The following DAGLA variants were observed in gnomAD, a reference collection of about 807,000 sequenced individuals.
DAGLA encodes the protein diacylglycerol lipase-alpha.
DAGLA carries 22 observed loss-of-function variants against 102.6 expected under a neutral mutation model. The ratio of observed to expected loss-of-function variants is 0.21; its 90% CI spans 0.15 to 0.31. DAGLA has a LOEUF of 0.31. DAGLA is among the 10% of genes least tolerant of loss of function. The pLI is 1.00. For synonymous variants in DAGLA, 578 were observed against 628.9 expected (o/e 0.92, Z 1.21); for missense variants, 927 against 1,446.6 (o/e 0.64, Z 5.83).
chr11:61,700,841 G>T (rs1277385854), intron 1 of DAGLA, among the ~76,000 whole-genome samples: 1 of 152,162 alleles, frequency 6.6e-6, no homozygotes, highest in Non-Finnish European at 1.5e-5. Flanking sequence ...CCGATCCTCA[G>T]GCCTTTCACC....
At chr11:61,698,634 T>C (rs1441839769) in intron 1 of DAGLA, among the ~76,000 whole-genome samples, 3 of 152,208 alleles carry the variant, frequency 2.0e-5, no homozygotes. Context: ...TCTCTGAGTC[T>C]CTTTGGCCAA....
At chr11:61,701,700 G>A (rs536514024) in intron 1 of DAGLA, among the ~76,000 whole-genome samples, 1 of 152,280 alleles carries the variant, frequency 6.6e-6, no homozygotes, top group Admixed American at 6.5e-5. Flanking sequence ...TGAGGACCCC[G>A]AAAACCTGCC....
chr11:61,727,545 G>A (rs1047477657), intron 6 of DAGLA, among the ~76,000 whole-genome samples: 1 of 152,228 alleles, frequency 6.6e-6, no homozygotes, highest in African/African-American at 2.4e-5. Flanking sequence ...CTGCCCTGAG[G>A]CCCAGACATG....
chr11:61,735,774 C>G lies in DAGLA; in HGVS notation c.1248C>G (p.Arg416=). 1 of 1,613,318 alleles carries G rather than the reference C, an allele frequency of 6.2e-7. No homozygotes were observed. The highest frequency in any genetic ancestry group is 8.5e-7 in the Non-Finnish European group (1 of 1,179,724). The change falls in exon 12 of 20, where the codon CGC becomes CGG. Residue 416 remains arginine (R), a synonymous_variant. Transcript: ENST00000257215. ...ALTDLTGDAE[R]LPVEGHHGTW... Reference sequence around the variant, plus strand: ...CTGACCTGACGGGTGATGCTGAGCGCCTCCCCGTGGAGGGGCACCACGGCA... The same window carrying G: ...CTGACCTGACGGGTGATGCTGAGCGGCTCCCCGTGGAGGGGCACCACGGCA...
In DAGLA at chr11:61,713,305, C is replaced by CT. The variant is rs2065209188; in HGVS notation, c.-44-6806dup. On this transcript the variant is annotated intron_variant, in intron 1 of 19. Coordinates refer to ENST00000257215, the MANE Select transcript of DAGLA (RefSeq NM_006133.3). Reference sequence around the variant, plus strand: ...TAAAGACCTGGGTTCTGGGCCTAGGCTGTGTGGCTGTGGGCAAGTCACTTC... The same window carrying CT: ...TAAAGACCTGGGTTCTGGGCCTAGGCTTGTGTGGCTGTGGGCAAGTCACTTC... Among the ~76,000 whole-genome samples, 3 of 152,282 alleles carry CT rather than the reference C, an allele frequency of 2.0e-5. No homozygotes were observed. The South Asian group carries it at 6.2e-4, about 32-fold the overall frequency.
In DAGLA at chr11:61,728,225, A is replaced by G. The variant is rs374725159; in HGVS notation, c.709A>G (p.Ile237Val). The G allele has an allele frequency of 6.2e-7, 1 of 1,614,028 alleles. No homozygotes were observed. The highest frequency in any genetic ancestry group is 8.5e-7 in the Non-Finnish European group (1 of 1,179,996). The stretch of plus-strand genomic sequence containing the variant: ...CCTTGACATTGTGCCATCCGACATC[A>G]TTGCTGGCCTGGTGCTGCTCCGGCA... ...RDLDIVPSDI[I>V]AGLVLLRQRQ... Residue 237 changes from isoleucine (I) to valine (V), a missense_variant, in exon 7 of 20, where the codon ATT becomes GTT. Around this residue, in one of 4 missense-constraint regions of DAGLA, gnomAD observed 231 missense variants for 439.8 expected, o/e 0.53. Transcript: ENST00000257215.
rs1308801623 is a variant in DAGLA, at chr11:61,746,381, C to G, written c.*1892C>G. 2 of 152,590 alleles carry G rather than the reference C, an allele frequency of 1.3e-5. No homozygotes were observed. Among genetic ancestry groups the G allele is most frequent in the African/African-American group, 4.8e-5 (2 of 41,464 alleles). The allele number at this position is 152,590 out of a possible 1,614,324, so 9.5% of individuals were successfully genotyped here. A position where few individuals can be genotyped will look rare whatever the true frequency, so the allele number is the denominator to read the frequency against. On this transcript the variant is annotated 3_prime_UTR_variant, in exon 20 of 20. Coordinates refer to ENST00000257215, the MANE Select transcript of DAGLA (RefSeq NM_006133.3). ...ATGAAAGATCTGACAAGCACCGTGG[C>G]CAGTCACAGGGAGAGACTTGATGTC...
intron 7 of DAGLA, 41 bp downstream of exon 7, chr11:61,728,328 C>T (rs1295001427): frequency 6.3e-7 from 1 of 1,598,656 alleles, no homozygotes; most frequent in Admixed American, 1.7e-5. Flanking sequence ...CCTCTCCACA[C>T]CACCCTTCTT....
chr11:61,696,371 C>T (rs535903686), intron 1 of DAGLA, among the ~76,000 whole-genome samples: 110 of 152,120 alleles, frequency 7.2e-4, no homozygotes, highest in African/African-American at 2.6e-3. Flanking sequence ...GCCTTCCACT[C>T]CCAGTGGACC....
chr11:61,718,890 A>G (rs2065259360), intron 1 of DAGLA, among the ~76,000 whole-genome samples: 2 of 152,240 alleles, frequency 1.3e-5, no homozygotes, highest in South Asian at 4.1e-4. Context: ...CCCACTGGCC[A>G]AGGGAGACTT....
rs2065523297 is a variant in DAGLA at position 61,744,810 on chromosome 11, G to A, written c.*321G>A. On this transcript the variant is annotated 3_prime_UTR_variant, in exon 20 of 20. Coordinates refer to ENST00000257215, the MANE Select transcript of DAGLA (RefSeq NM_006133.3). ...GGGCATTCTGGCACCCCCTGCTCCA[G>A]GACAGGCCATGGGCAAGCTGCCTCC... 3.4e-6 allele frequency: 1 copy of A among 296,760 alleles called. No individual in the cohort carries two copies. Among genetic ancestry groups the A allele is most frequent in the East Asian group, 6.3e-5 (1 of 15,900 alleles). The allele number at this position is 296,760 out of a possible 1,614,324, so 18.4% of individuals were successfully genotyped here. A position where few individuals can be genotyped will look rare whatever the true frequency, so the allele number is the denominator to read the frequency against.
At chr11:61,712,621 C>G (rs2065203356) in intron 1 of DAGLA, among the ~76,000 whole-genome samples, 1 of 152,212 alleles carries the variant, frequency 6.6e-6, no homozygotes, top group South Asian at 2.1e-4. Flanking sequence ...AAAGCGACAG[C>G]TTTCAGGCCC....
chr11:61,680,741 G>A (rs2064934879), intron 1 of DAGLA, among the ~76,000 whole-genome samples: 1 of 152,058 alleles, frequency 6.6e-6, no homozygotes, highest in African/African-American at 2.4e-5. Context: ...CACAGGCGGC[G>A]TGGTTTTCCT....
Position 61,703,996 on chromosome 11 carries a change from CAG to C in DAGLA, c.-44-16115_-44-16114del, listed in dbSNP as rs1298323779. 2.7e-3 allele frequency among the ~76,000 whole-genome samples: 409 copies of C among 152,338 alleles called. 1 individual carries two copies. The highest frequency in any genetic ancestry group is 4.1e-3 in the Non-Finnish European group (281 of 68,040). On this transcript the variant is annotated intron_variant, in intron 1 of 19. Transcript: ENST00000257215. ...TGGGAGCAGACTGAGTGGGGAAACC[CAG>C]CAAGGCCTGCTCTCAGATCCTTCTT...
At chr11:61,737,825 C>A in intron 15 of DAGLA, 70 bp downstream of exon 15, 1 of 1,321,802 alleles carries the variant, frequency 7.6e-7, no homozygotes, top group East Asian at 2.3e-5. Context: ...TCTCCCCACC[C>A]CCAGCCCCCG....
chr11:61,707,829 A>G (rs565244332), intron 1 of DAGLA, among the ~76,000 whole-genome samples: 15 of 148,458 alleles, frequency 1.0e-4, no homozygotes, highest in African/African-American at 2.9e-4. Flanking sequence ...GCAGGGACAG[A>G]GTCAGACAAG....
At chr11:61,709,170 A>G (rs2065174037) in intron 1 of DAGLA, among the ~76,000 whole-genome samples, 2 of 152,214 alleles carry the variant, frequency 1.3e-5, no homozygotes, top group Non-Finnish European at 2.9e-5. Flanking sequence ...CCAGACTAGA[A>G]TGGACCTGAG....
chr11:61,719,656 C>A (rs897022855), intron 1 of DAGLA, among the ~76,000 whole-genome samples: 6 of 152,246 alleles, frequency 3.9e-5, no homozygotes, highest in Non-Finnish European at 8.8e-5. Context: ...TTCCTCCTGC[C>A]CTGCTGGGCT....
intron 16 of DAGLA, 115 bp downstream of exon 16, chr11:61,738,322 G>A (rs2065443859): frequency 2.4e-6 from 2 of 828,114 alleles, no homozygotes; most frequent in Non-Finnish European, 3.8e-6. Context: ...GGCCAGGGCA[G>A]GGTGTGGCTG....
Sources: allele counts gnomAD v4.1 joint callset (sites outside exome capture counted in the v4.1 genomes callset), GRCh38; gene constraint gnomAD v4.1.1; regional missense constraint gnomAD v4.1.1; transcripts MANE v1.5; gene names NCBI Gene and HGNC (gene_info 2026-07-23, HGNC 2026-07-21).